The following SLC44A5 variants were observed in gnomAD, a reference collection of about 807,000 sequenced individuals.
SLC44A5 encodes solute carrier family 44 member 5, also known as choline transporter-like protein 5.
SLC44A5 carries 57 observed loss-of-function variants against 101.8 expected under a neutral mutation model. The observed-to-expected ratio is 0.56, with a 90% CI of 0.45 to 0.70. The LOEUF is 0.70. SLC44A5 is among the 30% of genes least tolerant of loss of function. SLC44A5 has a pLI of 0.00. For synonymous variants in SLC44A5, 281 were observed against 290.9 expected (o/e 0.97, Z 0.35); for missense variants, 737 against 853.1 (o/e 0.86, Z 1.70).
chr1:75,580,418 A>G (rs986529124), intron 1 of SLC44A5, among the ~76,000 whole-genome samples: 6 of 152,226 alleles, frequency 3.9e-5, no homozygotes, highest in African/African-American at 1.4e-4. Flanking sequence ...TCTCAACCAC[A>G]AGGTCCATAG....
chr1:75,572,243 A>G (rs989970196), intron 1 of SLC44A5, among the ~76,000 whole-genome samples: 1 of 152,204 alleles, frequency 6.6e-6, no homozygotes, highest in African/African-American at 2.4e-5. Flanking sequence ...GAATGACCCT[A>G]GAGAGTAACC....
intron 6 of SLC44A5, among the ~76,000 whole-genome samples, chr1:75,256,966 G>A (rs900003971): frequency 3.9e-5 from 6 of 151,986 alleles, no homozygotes; most frequent in African/African-American, 9.7e-5. Context: ...AACTTAATAA[G>A]CACAAAATAA....
chr1:75,642,299 AGTT>A, the SLC44A5 span, among the ~76,000 whole-genome samples: 4 of 152,174 alleles, frequency 2.6e-5, no homozygotes, highest in East Asian at 5.8e-4. Flanking sequence ...TTGATATCAA[AGTT>A]GTTGTTGCAA....
In SLC44A5 at chr1:75,271,382, G is replaced by A. The variant is rs150713805; in HGVS notation, c.260+3576C>T. The stretch of plus-strand genomic sequence containing the variant: ...AGGTGGTGAATTCTGAGATTTTAGC[G>A]CACCCATCTCTTGAGCAGTATATAC... On this transcript the variant is annotated intron_variant, in intron 6 of 23. Coordinates refer to ENST00000370859, the MANE Select transcript of SLC44A5 (RefSeq NM_001130058.2). Among the ~76,000 whole-genome samples, 295 of 151,664 alleles carry A rather than the reference G, an allele frequency of 1.9e-3. 1 individual carries two copies. The highest frequency in any genetic ancestry group is 6.6e-3 in the African/African-American group (271 of 41,360).
intron 2 of SLC44A5, among the ~76,000 whole-genome samples, chr1:75,473,520 T>A (rs1036024320): frequency 1.3e-5 from 2 of 152,210 alleles, no homozygotes; most frequent in African/African-American, 4.8e-5. Context: ...CTTGCAGAAT[T>A]TGGGGGTACT....
the SLC44A5 span, among the ~76,000 whole-genome samples, chr1:75,682,208 T>C: frequency 1.3e-5 from 2 of 152,114 alleles, no homozygotes; most frequent in East Asian, 3.9e-4. Context: ...CAATGCCATC[T>C]CCATCAAGCT....
At chr1:75,513,560 T>C (rs1449907077) in intron 2 of SLC44A5, among the ~76,000 whole-genome samples, 1 of 152,172 alleles carries the variant, frequency 6.6e-6, no homozygotes, top group Non-Finnish European at 1.5e-5. Context: ...AAATGGAAGA[T>C]ACAAACAAAA....
chr1:75,368,874 C>T lies in SLC44A5; in HGVS notation c.52+27709G>A, dbSNP rs186736541. Among the ~76,000 whole-genome samples the T allele has an allele frequency of 4.8e-3, 725 of 152,238 alleles. 5 individuals carry two copies. In the Middle Eastern group the frequency reaches 0.054, roughly 11 times the overall value. ...ATGTATAAAACATTAAGTGTACTAACCAATTAAATACATATTAAAATGTAT... is the reference window on the plus strand; with the variant it reads ...ATGTATAAAACATTAAGTGTACTAATCAATTAAATACATATTAAAATGTAT... On this transcript the variant is annotated intron_variant, in intron 3 of 23. Coordinates refer to ENST00000370859, the MANE Select transcript of SLC44A5 (RefSeq NM_001130058.2).
intron 2 of SLC44A5, among the ~76,000 whole-genome samples, chr1:75,523,912 T>C (rs1017136709): frequency 8.5e-5 from 13 of 152,194 alleles, no homozygotes; most frequent in Admixed American, 6.5e-4. Context: ...ATATTAATAG[T>C]GGCAATGTTG....
At chr1:75,213,607 C>T in intron 22 of SLC44A5, 98 bp downstream of exon 22, 2 of 922,820 alleles carry the variant, frequency 2.2e-6, no homozygotes, top group East Asian at 5.0e-5. Flanking sequence ...ACTTCCCAGC[C>T]TTCAGAACTG....
rs1219164954 is a variant in SLC44A5, at chr1:75,203,835, T to C, written c.2048-2A>G. Reference sequence around the variant, plus strand: ...CATCATTTCTTTCTAAATCTTCCACTAGGAGGAAGAATGGTACAGAGTAAA... The same window carrying C: ...CATCATTTCTTTCTAAATCTTCCACCAGGAGGAAGAATGGTACAGAGTAAA... On this transcript the variant is annotated splice_acceptor_variant, in intron 23 of 23. Coordinates refer to ENST00000370859, the MANE Select transcript of SLC44A5 (RefSeq NM_001130058.2). LOFTEE classifies it high-confidence loss of function. 2 of 1,547,812 alleles carry C rather than the reference T, an allele frequency of 1.3e-6. No individual in the cohort carries two copies. The highest frequency in any genetic ancestry group is 1.7e-6 in the Non-Finnish European group (2 of 1,145,270).
At chr1:75,587,549 A>G (rs1027562052) in intron 1 of SLC44A5, among the ~76,000 whole-genome samples, 1 of 152,234 alleles carries the variant, frequency 6.6e-6, no homozygotes, top group Non-Finnish European at 1.5e-5. Flanking sequence ...GAGCCTAGAC[A>G]AGATCACCTG....
At chr1:75,585,010 G>C (rs1415477255) in intron 1 of SLC44A5, among the ~76,000 whole-genome samples, 1 of 152,154 alleles carries the variant, frequency 6.6e-6, no homozygotes, top group Admixed American at 6.6e-5. Flanking sequence ...TGATTAAGTA[G>C]TGGTTCAAAA....
At chr1:75,612,575 A>T (rs914803056), upstream of SLC44A5, among the ~76,000 whole-genome samples, 2 of 152,198 alleles carry the variant, frequency 1.3e-5, no homozygotes, top group African/African-American at 4.8e-5. Flanking sequence ...TTCTCCTGGT[A>T]TTAATCACTA....
intron 1 of SLC44A5, among the ~76,000 whole-genome samples, chr1:75,555,672 A>G (rs1343468212): frequency 6.6e-6 from 1 of 151,922 alleles, no homozygotes; most frequent in Non-Finnish European, 1.5e-5. Flanking sequence ...AAGACACAAT[A>G]CCAATTTGAA....
intron 1 of SLC44A5, among the ~76,000 whole-genome samples, chr1:75,596,202 G>GCA (rs76901767): frequency 0.2 from 28,760 of 140,866 alleles, 2,954 homozygotes; most frequent in Admixed American, 0.3. Context: ...GTAGACACAT[G>GCA]CACACACACA....
the SLC44A5 span, among the ~76,000 whole-genome samples, chr1:75,618,656 T>A: frequency 6.6e-6 from 1 of 152,250 alleles, no homozygotes; most frequent in Non-Finnish European, 1.5e-5. Context: ...TTAGGCTATG[T>A]GGTATAATCC....
intron 1 of SLC44A5, among the ~76,000 whole-genome samples, chr1:75,587,660 C>A (rs1674092143): frequency 6.6e-6 from 1 of 152,190 alleles, no homozygotes; most frequent in Non-Finnish European, 1.5e-5. Context: ...CATTAGGCCT[C>A]TTTCAAAGTA....
chr1:75,531,371 CAA>C (rs2101920369), intron 2 of SLC44A5, among the ~76,000 whole-genome samples: 1 of 152,258 alleles, frequency 6.6e-6, no homozygotes, highest in Non-Finnish European at 1.5e-5. Flanking sequence ...ACTGGTATCC[CAA>C]GAAATATGCT....
Sources: allele counts gnomAD v4.1 joint callset (sites outside exome capture counted in the v4.1 genomes callset), GRCh38; gene constraint gnomAD v4.1.1; transcripts MANE v1.5; gene names NCBI Gene and HGNC (gene_info 2026-07-23, HGNC 2026-07-21).